Variants in MDGA2 observed in about 807,000 individuals in gnomAD.
The protein encoded by MDGA2 is MAM domain containing glycosylphosphatidylinositol anchor 2.
MDGA2 carries 40 observed loss-of-function variants against 117.8 expected under a neutral mutation model. The ratio of observed to expected loss-of-function variants is 0.34; its 90% confidence interval spans 0.26 to 0.44. MDGA2 has a LOEUF of 0.44. MDGA2 is among the 20% of genes least tolerant of loss of function. The probability of loss-of-function intolerance (pLI) is 1.00; values close to 1 mark genes in which losing one functional copy is unlikely to be tolerated. For missense variants in MDGA2, 1,123 were observed against 1,250.6 expected (o/e 0.90, Z 1.54); for synonymous variants, 452 against 439.0 (o/e 1.03, Z -0.37).
At chr14:47,352,563 T>G (rs1352838367) in intron 1 of MDGA2, among the ~76,000 whole-genome samples, 1 of 152,210 alleles carries the variant, frequency 6.6e-6, no homozygotes, top group Non-Finnish European at 1.5e-5. Flanking sequence ...CAACTGACAG[T>G]TCTTACATTT....
chr14:47,664,870 T>C (rs1026493534), intron 1 of MDGA2, among the ~76,000 whole-genome samples: 2 of 152,228 alleles, frequency 1.3e-5, no homozygotes, highest in Non-Finnish European at 2.9e-5. Flanking sequence ...ACAGGAACTT[T>C]AGAGATAACT....
chr14:47,666,556 G>C (rs878983428), intron 1 of MDGA2, among the ~76,000 whole-genome samples: 1 of 152,074 alleles, frequency 6.6e-6, no homozygotes, highest in East Asian at 1.9e-4. Flanking sequence ...GATTTTAAAC[G>C]CACCAATCAA....
At chr14:47,061,991 T>C (rs1163237018) in intron 6 of MDGA2, among the ~76,000 whole-genome samples, 1 of 152,016 alleles carries the variant, frequency 6.6e-6, no homozygotes, top group Admixed American at 6.6e-5. Context: ...TACTTAGTTA[T>C]TGTATAATTT....
chr14:47,381,427 G>C (rs1440509461), intron 1 of MDGA2, among the ~76,000 whole-genome samples: 2 of 152,166 alleles, frequency 1.3e-5, no homozygotes, highest in Admixed American at 1.3e-4. Flanking sequence ...AATTGTCCCT[G>C]TTTGCAGATG....
intron 2 of MDGA2, among the ~76,000 whole-genome samples, chr14:47,285,452 C>A (rs564775755): frequency 1.3e-5 from 2 of 152,082 alleles, no homozygotes; most frequent in African/African-American, 2.4e-5. Flanking sequence ...GAGATATTGT[C>A]TAAAAATTTA....
rs971431196 is a variant in MDGA2, at chr14:46,913,987, T to A, written c.2238+6025A>T. ...GGAATTGGTCAATTATGGATTTTTT[T>A]AAAATAAAATATCCTACTTTCCAAA... On this transcript the variant is annotated intron_variant, in intron 10 of 16. Coordinates refer to ENST00000399232, the MANE Select transcript of MDGA2 (RefSeq NM_001113498.3). Among the ~76,000 whole-genome samples the A allele has an allele frequency of 6.6e-5, 10 of 152,144 alleles. No homozygotes were observed. In the East Asian group the frequency reaches 1.2e-3, roughly 18 times the overall value.
chr14:47,465,062 C>T (rs1893571866), intron 1 of MDGA2, among the ~76,000 whole-genome samples: 1 of 152,070 alleles, frequency 6.6e-6, no homozygotes, highest in African/African-American at 2.4e-5. Context: ...CTTAGAACCA[C>T]CTGATCTTCG....
intron 1 of MDGA2, among the ~76,000 whole-genome samples, chr14:47,515,281 A>T (rs1894727488): frequency 6.6e-6 from 1 of 152,194 alleles, no homozygotes; most frequent in Non-Finnish European, 1.5e-5. Flanking sequence ...CCCTGGCAAC[A>T]TCACAGTAAT....
chr14:47,200,472 A>T (rs1885452708), intron 3 of MDGA2: 1 of 484,782 alleles, frequency 2.1e-6, no homozygotes, highest in Non-Finnish European at 3.6e-6. Flanking sequence ...TTAGTTTTTA[A>T]TTACTCATAT....
chr14:47,129,403 C>T (rs1882079169), intron 5 of MDGA2, among the ~76,000 whole-genome samples: 1 of 152,096 alleles, frequency 6.6e-6, no homozygotes, highest in Non-Finnish European at 1.5e-5. Context: ...CATCCATGTC[C>T]CCACAAAGGA....
At chr14:47,260,021 C>CA (rs1274325259) in intron 2 of MDGA2, among the ~76,000 whole-genome samples, 1 of 151,818 alleles carries the variant, frequency 6.6e-6, no homozygotes, top group East Asian at 1.9e-4. Flanking sequence ...GGAGCCTAGA[C>CA]AAAAAATAAC....
At chr14:47,239,731 T>A (rs1205903444) in intron 2 of MDGA2, among the ~76,000 whole-genome samples, 4 of 151,900 alleles carry the variant, frequency 2.6e-5, no homozygotes, top group African/African-American at 9.7e-5. Flanking sequence ...TCATTCTAAA[T>A]TAAATTATCT....
At chr14:46,918,693 G>T (rs1362656245) in intron 10 of MDGA2, among the ~76,000 whole-genome samples, 1 of 150,736 alleles carries the variant, frequency 6.6e-6, no homozygotes, top group South Asian at 2.1e-4. Context: ...TTTTCACTAG[G>T]AAAAGCTCTT....
intron 1 of MDGA2, among the ~76,000 whole-genome samples, chr14:47,495,632 T>A (rs1225609268): frequency 6.6e-6 from 1 of 152,230 alleles, no homozygotes; most frequent in Non-Finnish European, 1.5e-5. Context: ...ATTTTCTATC[T>A]GCAAAATGTG....
At chr14:47,203,309 C>A (rs564174379) in intron 3 of MDGA2, among the ~76,000 whole-genome samples, 1 of 151,922 alleles carries the variant, frequency 6.6e-6, no homozygotes, top group South Asian at 2.1e-4. Flanking sequence ...AAGGGGGATG[C>A]TATTTGTCAT....
intron 1 of MDGA2, among the ~76,000 whole-genome samples, chr14:47,376,886 T>C (rs1368587777): frequency 6.6e-6 from 1 of 152,148 alleles, no homozygotes. Context: ...TTCCAAAAGA[T>C]TAATTACAAA....
At chr14:46,944,546 C>G (rs530539388) in intron 9 of MDGA2, among the ~76,000 whole-genome samples, 28 of 152,064 alleles carry the variant, frequency 1.8e-4, no homozygotes, top group African/African-American at 6.3e-4. Context: ...CCCATTCTCA[C>G]TCTATTTCAG....
At chr14:47,400,618 G>A (rs918192459) in intron 1 of MDGA2, among the ~76,000 whole-genome samples, 2 of 150,418 alleles carry the variant, frequency 1.3e-5, no homozygotes, top group African/African-American at 2.4e-5. Context: ...CCTGGGAGGC[G>A]TAGGTTGCAG....
At chr14:47,322,627 C>T (rs535451895) in intron 1 of MDGA2, among the ~76,000 whole-genome samples, 4 of 152,072 alleles carry the variant, frequency 2.6e-5, no homozygotes, top group Admixed American at 6.6e-5. Flanking sequence ...GCAACCTGCA[C>T]GTAAGTAACG....
Sources: allele counts gnomAD v4.1 joint callset (sites outside exome capture counted in the v4.1 genomes callset), GRCh38; gene constraint gnomAD v4.1.1; transcripts MANE v1.5; gene names NCBI Gene and HGNC (gene_info 2026-07-23, HGNC 2026-07-21).